NPAS3: variants seen among roughly 807,000 people sequenced by gnomAD.
NPAS3 encodes neuronal PAS domain-containing protein 3.
Under a neutral mutation model 73.1 loss-of-function variants are expected in NPAS3, and 14 were observed. The observed-to-expected ratio is 0.19, with a 90% CI of 0.13 to 0.30. The LOEUF is 0.30. NPAS3 is among the 10% of genes least tolerant of loss of function. The pLI, the probability that NPAS3 is intolerant of heterozygous loss-of-function variation, is 1.00. For synonymous variants in NPAS3, 620 were observed against 541.5 expected (o/e 1.14, Z -2.01); for missense variants, 1,096 against 1,250.0 (o/e 0.88, Z 1.86).
In NPAS3 at chr14:33,767,104, C is replaced by T. The variant is rs562956697; in HGVS notation, c.853-7233C>T. The stretch of plus-strand genomic sequence containing the variant: ...GCATCTGTGGAAGAGTCCCTGGTTT[C>T]AGCTAAGGCTTGTTTTTATTGGTAT... On this transcript the variant is annotated intron_variant, in intron 7 of 11. Transcript: ENST00000356141. 5.3e-5 allele frequency among the ~76,000 whole-genome samples: 8 copies of T among 152,308 alleles called. No homozygotes were observed. The South Asian group carries it at 1.5e-3, about 28-fold the overall frequency.
chr14:33,347,923 C>G (rs983641929), intron 3 of NPAS3, among the ~76,000 whole-genome samples: 1 of 151,310 alleles, frequency 6.6e-6, no homozygotes, highest in Non-Finnish European at 1.5e-5. Context: ...TCTGCAGATA[C>G]AGGATCAGCC....
At chr14:32,938,505 G>GAGAGAGAGAC (rs1296032524), upstream of NPAS3, among the ~76,000 whole-genome samples, 2 of 116,728 alleles carry the variant, frequency 1.7e-5, no homozygotes, top group African/African-American at 7.3e-5. Flanking sequence ...GAGAGAGAGA[G>GAGAGAGAGAC]AGAGAGAGAG....
Position 33,415,057 on chromosome 14 carries a change from A to G in NPAS3, c.468+47789A>G, listed in dbSNP as rs74669158. On this transcript the variant is annotated intron_variant, in intron 4 of 11. Transcript: ENST00000356141. Reference sequence around the variant, plus strand: ...TTTCATCACAAAATCTATATTTTTCAACCAATATGCATAAGACTATACTTC... The same window carrying G: ...TTTCATCACAAAATCTATATTTTTCGACCAATATGCATAAGACTATACTTC... 4.9e-3 allele frequency among the ~76,000 whole-genome samples: 752 copies of G among 152,210 alleles called. 5 individuals carry two copies. The highest frequency in any genetic ancestry group is 0.017 in the African/African-American group (689 of 41,548).
chr14:33,031,517 G>A (rs1276796496), intron 1 of NPAS3, among the ~76,000 whole-genome samples: 1 of 152,104 alleles, frequency 6.6e-6, no homozygotes, highest in Non-Finnish European at 1.5e-5. Context: ...TTTAGAGACA[G>A]GGTTTCACTA....
chr14:33,291,272 G>T (rs2042089047), intron 3 of NPAS3, among the ~76,000 whole-genome samples: 1 of 152,006 alleles, frequency 6.6e-6, no homozygotes, highest in East Asian at 1.9e-4. Context: ...ATTGAGGTGT[G>T]GTGATAGCAC....
At chr14:33,391,864 T>C (rs2047023077) in intron 4 of NPAS3, among the ~76,000 whole-genome samples, 2 of 152,202 alleles carry the variant, frequency 1.3e-5, no homozygotes, top group Admixed American at 6.5e-5. Context: ...AACTCCCAGA[T>C]ATACTTAATT....
intron 5 of NPAS3, among the ~76,000 whole-genome samples, chr14:33,659,968 C>A (rs899426150): frequency 4.6e-5 from 7 of 152,124 alleles, no homozygotes; most frequent in Admixed American, 3.9e-4. Context: ...TATGTAATCA[C>A]CCCAGCGCCC....
exon 11 of NPAS3, chr14:33,797,544 C>T: frequency 1.2e-6 from 2 of 1,614,048 alleles, no homozygotes; most frequent in Non-Finnish European, 8.5e-7. Context: ...AGACATCCGA[C>T]TCTGAGTCAG....
At chr14:33,293,111 G>A (rs1476309437) in intron 3 of NPAS3, among the ~76,000 whole-genome samples, 4 of 152,116 alleles carry the variant, frequency 2.6e-5, no homozygotes, top group Non-Finnish European at 5.9e-5. Context: ...CTGGCCACCT[G>A]TACTACACTA....
intron 5 of NPAS3, among the ~76,000 whole-genome samples, chr14:33,671,069 G>A (rs114339009): frequency 1.6e-3 from 237 of 152,192 alleles, no homozygotes; most frequent in African/African-American, 5.2e-3. Flanking sequence ...CTTGAAAATA[G>A]ATGTATGGCC....
intron 3 of NPAS3, among the ~76,000 whole-genome samples, chr14:33,352,751 C>A (rs2045129933): frequency 6.6e-6 from 1 of 152,058 alleles, no homozygotes; most frequent in Admixed American, 6.5e-5. Flanking sequence ...CTGATACTAA[C>A]AATGGAAGAA....
chr14:33,168,292 GA>G (rs930806910), intron 2 of NPAS3, among the ~76,000 whole-genome samples: 1 of 152,026 alleles, frequency 6.6e-6, no homozygotes, highest in African/African-American at 2.4e-5. Context: ...ACTGTGTGTA[GA>G]ACAGCTGTAA....
intron 1 of NPAS3, among the ~76,000 whole-genome samples, chr14:33,017,565 A>C (rs1441689481): frequency 6.6e-6 from 1 of 152,176 alleles, no homozygotes; most frequent in Non-Finnish European, 1.5e-5. Flanking sequence ...TCAACAGTTA[A>C]TCAGAGTCCC....
chr14:33,092,227 G>A (rs1042884265), intron 2 of NPAS3, among the ~76,000 whole-genome samples: 2 of 152,124 alleles, frequency 1.3e-5, no homozygotes, highest in South Asian at 2.1e-4. Flanking sequence ...AAACCCCATC[G>A]TCTCAGCCCA....
chr14:33,134,016 G>A (rs1182573502), intron 2 of NPAS3, among the ~76,000 whole-genome samples: 1 of 152,194 alleles, frequency 6.6e-6, no homozygotes, highest in Admixed American at 6.5e-5. Flanking sequence ...ACATGGTAAA[G>A]TTCGCTTTCT....
At chr14:33,517,355 A>G (rs1417599667) in intron 4 of NPAS3, among the ~76,000 whole-genome samples, 1 of 152,118 alleles carries the variant, frequency 6.6e-6, no homozygotes, top group Non-Finnish European at 1.5e-5. Flanking sequence ...ATGTCATGAC[A>G]TACATTACAT....
intron 3 of NPAS3, among the ~76,000 whole-genome samples, chr14:33,285,649 T>A (rs987480110): frequency 6.6e-6 from 1 of 152,192 alleles, no homozygotes; most frequent in Non-Finnish European, 1.5e-5. Flanking sequence ...AGATTCTGCC[T>A]CCTTCTGCAA....
chr14:33,088,614 AC>A (rs900900299), intron 2 of NPAS3, among the ~76,000 whole-genome samples: 1 of 152,220 alleles, frequency 6.6e-6, no homozygotes, highest in Admixed American at 6.5e-5. Context: ...GCATAGCCAA[AC>A]AAAAGGCAGC....
intron 5 of NPAS3, among the ~76,000 whole-genome samples, chr14:33,654,410 G>A (rs1328560315): frequency 3.3e-5 from 5 of 152,038 alleles, no homozygotes; most frequent in Admixed American, 3.3e-4. Context: ...TGTTAACAAA[G>A]TCTTTCCATT....
Sources: allele counts gnomAD v4.1 joint callset (sites outside exome capture counted in the v4.1 genomes callset), GRCh38; gene constraint gnomAD v4.1.1; transcripts MANE v1.5; gene names NCBI Gene and HGNC (gene_info 2026-07-23, HGNC 2026-07-21).